YTHDF3: variants seen among roughly 807,000 people sequenced by gnomAD.
The protein encoded by YTHDF3 is YTH N6-methyladenosine RNA binding protein F3.
In YTHDF3, 9 loss-of-function variants were observed where a neutral mutation model predicts 52.5. The observed-to-expected ratio is 0.17, with a 90% CI of 0.10 to 0.30. YTHDF3 has a LOEUF of 0.30. Ranked by LOEUF, YTHDF3 falls within the 10% of genes least tolerant of loss-of-function variation. The pLI is 1.00. For synonymous variants in YTHDF3, 274 were observed against 243.3 expected (o/e 1.13, Z -1.18); for missense variants, 534 against 715.0 (o/e 0.75, Z 2.89).
At chr8:63,169,105 G>T in intron 1 of YTHDF3, 1 of 1,384,394 alleles carries the variant, frequency 7.2e-7, no homozygotes, top group Non-Finnish European at 9.3e-7. Flanking sequence ...TGCCGCGGCG[G>T]GTGGGGGCAA....
chr8:63,194,075 T>G (rs1809084470), intron 4 of YTHDF3, among the ~76,000 whole-genome samples: 1 of 152,114 alleles, frequency 6.6e-6, no homozygotes. Context: ...ATGTCCATCA[T>G]TAGGAAAATG....
chr8:63,169,586 GCTTTGAAGCCACTTTA>G, intron 2 of YTHDF3, 175 bp downstream of exon 2: 1 of 660,254 alleles, frequency 1.5e-6, no homozygotes, highest in African/African-American at 1.8e-5. Flanking sequence ...GTAGTTCGTT[GCTTTGAAGCCACTTTA>G]TAGAAACCAA....
In YTHDF3 at chr8:63,186,567, A is replaced by G. The variant is rs771410194; in HGVS notation, c.556A>G (p.Ser186Gly). 3 of 1,614,038 alleles carry G rather than the reference A, an allele frequency of 1.9e-6. No individual in the cohort carries two copies. The highest frequency in any genetic ancestry group is 2.5e-6 in the Non-Finnish European group (3 of 1,179,892). ...DTLSKVPGIS[S>G]IEQGMTGLKI... ...TTTGAGTAAGGTGCCTGGCATTAGC[A>G]GTATTGAGCAAGGCATGACTGGACT... The change falls in exon 4 of 5, where the codon AGT (serine) becomes GGT (glycine). Residue 186 changes from serine (S) to glycine (G), a missense_variant. Ser to Gly is a moderately conservative substitution (Grantham distance 56). This residue lies in a region of YTHDF3 where 196 missense variants were observed against 299.5 expected (regional missense o/e 0.65). Transcript: ENST00000539294.
At chr8:63,180,114 C>T (rs1266469925) in intron 3 of YTHDF3, among the ~76,000 whole-genome samples, 1 of 150,598 alleles carries the variant, frequency 6.6e-6, no homozygotes, top group Non-Finnish European at 1.5e-5. Flanking sequence ...GGCTGCTGGG[C>T]GGAGATGCTC....
At chr8:63,180,017 G>C (rs13282963) in intron 3 of YTHDF3, among the ~76,000 whole-genome samples, 2 of 151,260 alleles carry the variant, frequency 1.3e-5, no homozygotes, top group African/African-American at 2.4e-5. Context: ...CTGGCCGGGC[G>C]GGGGGCTGAT....
At chr8:63,173,345 G>A (rs903720632) in intron 2 of YTHDF3, among the ~76,000 whole-genome samples, 2 of 151,140 alleles carry the variant, frequency 1.3e-5, no homozygotes, top group African/African-American at 4.9e-5. Context: ...CTTGGCTCAA[G>A]TGATCCTCCT....
At chr8:63,194,825 CTA>C (rs1172368159) in intron 4 of YTHDF3, among the ~76,000 whole-genome samples, 1 of 152,180 alleles carries the variant, frequency 6.6e-6, no homozygotes, top group Non-Finnish European at 1.5e-5. Flanking sequence ...AAGGGTTATA[CTA>C]ACCTGCTTTC....
intron 4 of YTHDF3, among the ~76,000 whole-genome samples, chr8:63,190,630 A>C (rs1585766779): frequency 6.6e-6 from 1 of 152,186 alleles, no homozygotes; most frequent in East Asian, 1.9e-4. Context: ...CCAGTGACCA[A>C]ATTTTGGCTG....
chr8:63,206,392 C>A (rs1032535988), intron 4 of YTHDF3, among the ~76,000 whole-genome samples: 2 of 152,074 alleles, frequency 1.3e-5, no homozygotes, highest in Non-Finnish European at 2.9e-5. Context: ...CTGCTCCAAA[C>A]TTCATTCATC....
chr8:63,169,109 G>T (rs890468285), intron 1 of YTHDF3: 34 of 1,384,698 alleles, frequency 2.5e-5, no homozygotes, highest in Non-Finnish European at 2.8e-5. Flanking sequence ...GCGGCGGGTG[G>T]GGGCAAGGAC....
At position 63,210,287 on chromosome 8, in the gene YTHDF3, T is replaced by C. The variant is rs925957672; in HGVS notation, c.*581T>C. ...CCAAATGAAACATAATCTGAAATTA[T>C]ATTAGAACATTTCCCTTGTCTTCAA... On this transcript the variant is annotated 3_prime_UTR_variant, in exon 5 of 5. Coordinates refer to ENST00000539294, the MANE Select transcript of YTHDF3 (RefSeq NM_152758.6). 6.5e-6 allele frequency: 1 copy of C among 152,722 alleles called. No individual in the cohort carries two copies. Among genetic ancestry groups the C allele is most frequent in the African/African-American group, 2.4e-5 (1 of 41,462 alleles). The allele number at this position is 152,722 out of a possible 1,614,324, so 9.5% of individuals were successfully genotyped here.
intron 1 of YTHDF3, 67 bp from the exon 2 acceptor site, chr8:63,169,320 T>G: frequency 6.5e-7 from 1 of 1,543,320 alleles, no homozygotes; most frequent in Non-Finnish European, 8.8e-7. Context: ...ATAATGCCTT[T>G]GATTAACACA....
At chr8:63,174,208 C>A (rs1174161722) in intron 2 of YTHDF3, among the ~76,000 whole-genome samples, 1 of 152,130 alleles carries the variant, frequency 6.6e-6, no homozygotes, top group African/African-American at 2.4e-5. Flanking sequence ...ATACTGAGTT[C>A]TTTTTGTTTC....
intron 3 of YTHDF3, among the ~76,000 whole-genome samples, chr8:63,178,796 T>C (rs1479708954): frequency 6.6e-6 from 1 of 152,144 alleles, no homozygotes; most frequent in East Asian, 1.9e-4. Context: ...GTACTCTCAA[T>C]TATCTAGCTA....
rs1388794612 is a variant in YTHDF3 at position 63,209,997 on chromosome 8, T to A, written c.*291T>A. The A allele has an allele frequency of 3.2e-6, 1 of 310,384 alleles. No individual in the cohort carries two copies. The highest frequency in any genetic ancestry group is 5.9e-6 in the Non-Finnish European group (1 of 169,156). The allele number at this position is 310,384 out of a possible 1,614,324, so 19.2% of individuals were successfully genotyped here. On this transcript the variant is annotated 3_prime_UTR_variant, in exon 5 of 5. Coordinates refer to ENST00000539294, the MANE Select transcript of YTHDF3 (RefSeq NM_152758.6). ...GCATCCTAGCTAAGGCACAGAAGAC[T>A]GAATGAATGCAAGGATTCATTAACT...
At chr8:63,193,759 G>T (rs1306198745) in intron 4 of YTHDF3, among the ~76,000 whole-genome samples, 2 of 152,158 alleles carry the variant, frequency 1.3e-5, no homozygotes, top group African/African-American at 4.8e-5. Context: ...GGGAATACGA[G>T]TCAGGACTAC....
intron 4 of YTHDF3, among the ~76,000 whole-genome samples, chr8:63,202,693 C>A (rs942525537): frequency 6.6e-6 from 1 of 151,988 alleles, no homozygotes; most frequent in Non-Finnish European, 1.5e-5. Flanking sequence ...AAACCTCTGA[C>A]CTCAGGTGAG....
Position 63,191,604 on chromosome 8 carries a change from T to TA in YTHDF3, c.1734+3867dup, listed in dbSNP as rs559068784. On this transcript the variant is annotated intron_variant, in intron 4 of 4. Transcript: ENST00000539294. ...TAGAAACTTTATATCTTTTTTCTTC[T>TA]AAAAAAAATTAAATATAATAAAATT... Among the ~76,000 whole-genome samples, 10 of 152,110 alleles carry TA rather than the reference T, an allele frequency of 6.6e-5. No homozygotes were observed. In the South Asian group the frequency reaches 1.2e-3, roughly 19 times the overall value.
intron 3 of YTHDF3, 162 bp downstream of exon 3, chr8:63,175,578 C>T: frequency 1.8e-6 from 1 of 540,610 alleles, no homozygotes; most frequent in Non-Finnish European, 3.3e-6. Flanking sequence ...AGATTTATGG[C>T]ACAGGAGAGT....
Sources: allele counts gnomAD v4.1 joint callset (sites outside exome capture counted in the v4.1 genomes callset), GRCh38; gene constraint gnomAD v4.1.1; regional missense constraint gnomAD v4.1.1; transcripts MANE v1.5; gene names NCBI Gene and HGNC (gene_info 2026-07-23, HGNC 2026-07-21).